KIDINS220: variants seen among roughly 807,000 people sequenced by gnomAD.
KIDINS220 encodes the protein kinase D-interacting substrate of 220 kDa.
KIDINS220 carries 63 observed loss-of-function variants against 157.6 expected under a neutral mutation model. The observed-to-expected ratio is 0.40, with a 90% confidence interval of 0.33 to 0.49. The LOEUF is 0.49. KIDINS220 is among the 20% of genes least tolerant of loss of function. The probability of loss-of-function intolerance (pLI) is 0.66; values close to 1 mark genes in which losing one functional copy is unlikely to be tolerated. For missense variants in KIDINS220, 1,772 were observed against 2,171.2 expected, an observed-to-expected ratio of 0.82 and a Z score of 3.65; for synonymous variants, 732 against 783.6, an observed-to-expected ratio of 0.93 and a Z score of 1.10.
At position 8,751,519 on chromosome 2, in the gene KIDINS220, A is replaced by G. The variant is rs748011052; in HGVS notation, c.3137T>C (p.Val1046Ala). Reference sequence around the variant, plus strand: ...TAGGTTTACAGTGCATGGCAAAAAGACTTTTACATCTCGAGCCACAAGAAC... The same window carrying G: ...TAGGTTTACAGTGCATGGCAAAAAGGCTTTTACATCTCGAGCCACAAGAAC... ...TPVLVARDVK[V>A]FLPCTVNLDP... Residue 1046 changes from valine (V) to alanine (A), a missense_variant, in exon 23 of 30, where the codon GTC becomes GCC. By Grantham distance (64) the Val-to-Ala change is moderately conservative. Coordinates refer to ENST00000256707, the MANE Select transcript of KIDINS220 (RefSeq NM_020738.4). The G allele has an allele frequency of 6.2e-7, 1 of 1,613,702 alleles. No homozygotes were observed. Among genetic ancestry groups the G allele is most frequent in the Non-Finnish European group, 8.5e-7 (1 of 1,179,888 alleles).
At chr2:8,818,067 G>A (rs1270211268) in intron 3 of KIDINS220, among the ~76,000 whole-genome samples, 1 of 152,154 alleles carries the variant, frequency 6.6e-6, no homozygotes, top group East Asian at 1.9e-4. Flanking sequence ...GAATTAAAGA[G>A]ACTGTAATCA....
At chr2:8,823,911 T>C (rs188487830) in intron 2 of KIDINS220, among the ~76,000 whole-genome samples, 2 of 152,192 alleles carry the variant, frequency 1.3e-5, no homozygotes, top group African/African-American at 4.8e-5. Context: ...AAAATATATT[T>C]TGTTCAATAT....
chr2:8,836,299 C>G (rs962955080), intron 1 of KIDINS220, among the ~76,000 whole-genome samples: 1 of 152,016 alleles, frequency 6.6e-6, no homozygotes, highest in East Asian at 1.9e-4. Context: ...GGGGCTTTGG[C>G]CAGGCTGAAT....
At chr2:8,773,890 C>G (rs1312173570) in intron 21 of KIDINS220, among the ~76,000 whole-genome samples, 2 of 152,192 alleles carry the variant, frequency 1.3e-5, no homozygotes. Flanking sequence ...GCTCTTCCTC[C>G]TGTTAAGATG....
rs182358062 is a variant in KIDINS220 at position 8,808,874 on chromosome 2, A to G, written c.505-2505T>C. ...AAGATAATCACTGTTCTTTCTTTTAAGCTTTTCAAGATAATTTATAACCCC... is the reference window on the plus strand; with the variant it reads ...AAGATAATCACTGTTCTTTCTTTTAGGCTTTTCAAGATAATTTATAACCCC... On this transcript the variant is annotated intron_variant, in intron 6 of 29. Transcript: ENST00000256707. 2.0e-4 allele frequency among the ~76,000 whole-genome samples: 30 copies of G among 152,308 alleles called. 3 individuals are homozygous for G. Among genetic ancestry groups the G allele is most frequent in the African/African-American group, 7.2e-4 (30 of 41,574 alleles).
intron 1 of KIDINS220, among the ~76,000 whole-genome samples, chr2:8,837,131 G>A (rs1179153849): frequency 6.6e-6 from 1 of 152,114 alleles, no homozygotes; most frequent in African/African-American, 2.4e-5. Context: ...TCTCAAGGTG[G>A]TGGATGTGCC....
chr2:8,821,311 G>A (rs575000954), intron 2 of KIDINS220, among the ~76,000 whole-genome samples: 1 of 151,912 alleles, frequency 6.6e-6, no homozygotes, highest in Admixed American at 6.5e-5. Context: ...TATCTAGAAA[G>A]ACAGGGCTTG....
intron 8 of KIDINS220, 57 bp downstream of exon 8, chr2:8,802,873 A>C: frequency 7.2e-7 from 1 of 1,387,986 alleles, no homozygotes; most frequent in Non-Finnish European, 1.0e-6. Flanking sequence ...ATAAGACACT[A>C]AGGTCACCTT....
At chr2:8,744,443 T>TAC (rs1666266698) in intron 26 of KIDINS220, among the ~76,000 whole-genome samples, 1 of 106,536 alleles carries the variant, frequency 9.4e-6, no homozygotes, top group Non-Finnish European at 1.8e-5. Flanking sequence ...TATATATATA[T>TAC]ATGGGATCAT....
chr2:8,800,357 C>T, intron 9 of KIDINS220, 43 bp downstream of exon 9: 1 of 1,264,958 alleles, frequency 7.9e-7, no homozygotes, highest in Non-Finnish European at 1.1e-6. Flanking sequence ...CACTTACATG[C>T]AATTATACTC....
intron 22 of KIDINS220, among the ~76,000 whole-genome samples, chr2:8,755,134 T>C (rs1553312981): frequency 6.6e-6 from 1 of 152,158 alleles, no homozygotes; most frequent in Non-Finnish European, 1.5e-5. Context: ...ATGGAGTCCA[T>C]TTATACACCC....
At chr2:8,832,124 G>A (rs146754924) in intron 1 of KIDINS220, among the ~76,000 whole-genome samples, 9 of 152,132 alleles carry the variant, frequency 5.9e-5, no homozygotes, top group African/African-American at 7.2e-5. Context: ...ACTCTTCCCC[G>A]AATCACCTAA....
At chr2:8,741,633 C>A (rs1305180694) in intron 26 of KIDINS220, among the ~76,000 whole-genome samples, 1 of 152,110 alleles carries the variant, frequency 6.6e-6, no homozygotes, top group African/African-American at 2.4e-5. Context: ...TAAACTACTG[C>A]AATGAACATA....
intron 2 of KIDINS220, among the ~76,000 whole-genome samples, chr2:8,822,598 G>C (rs1302005677): frequency 6.6e-6 from 1 of 152,070 alleles, no homozygotes; most frequent in Non-Finnish European, 1.5e-5. Context: ...CTACACTCCA[G>C]CCTGGGCAAC....
chr2:8,837,245 G>A (rs1680552889), intron 1 of KIDINS220, among the ~76,000 whole-genome samples: 1 of 152,106 alleles, frequency 6.6e-6, no homozygotes. Context: ...CTCCAAGGTC[G>A]GAGACCTTCC....
At chr2:8,739,781 A>C (rs1419047940) in intron 26 of KIDINS220, among the ~76,000 whole-genome samples, 1 of 152,244 alleles carries the variant, frequency 6.6e-6, no homozygotes, top group African/African-American at 2.4e-5. Flanking sequence ...TTTATGAATC[A>C]GAAAGCTGAA....
chr2:8,725,207 G>C (rs907935200), downstream of KIDINS220: 2 of 152,086 alleles, frequency 1.3e-5, no homozygotes, highest in African/African-American at 4.8e-5. Context: ...CAAGTATAGC[G>C]ATATGCAGTC....
At chr2:8,736,753 C>T (rs1459048762) in intron 27 of KIDINS220, 115 bp downstream of exon 27, 1 of 1,140,228 alleles carries the variant, frequency 8.8e-7, no homozygotes, top group Non-Finnish European at 1.2e-6. Context: ...AGAGCTTTCC[C>T]ATTTTAACAG....
At chr2:8,732,082 A>C (rs1460493441) in intron 29 of KIDINS220, 100 bp from the exon 30 acceptor site, 1 of 1,029,334 alleles carries the variant, frequency 9.7e-7, no homozygotes, top group East Asian at 2.8e-5. Context: ...CCATTTAAAA[A>C]GTCATCAAAA....
Sources: allele counts gnomAD v4.1 joint callset (sites outside exome capture counted in the v4.1 genomes callset), GRCh38; gene constraint gnomAD v4.1.1; transcripts MANE v1.5; gene names NCBI Gene and HGNC (gene_info 2026-07-23, HGNC 2026-07-21).